The following MUC22 variants were observed in gnomAD, a reference collection of about 807,000 sequenced individuals.
The protein encoded by MUC22 is mucin-22.
MUC22 carries 24 observed loss-of-function variants against 40.3 expected under a neutral mutation model. The observed-to-expected ratio is 0.60, with a 90% confidence interval of 0.43 to 0.84. The LOEUF is 0.84. Ranked by LOEUF, MUC22 falls within the 40% of genes least tolerant of loss-of-function variation. The pLI, the probability that MUC22 is intolerant of heterozygous loss-of-function variation, is 0.00. For missense variants in MUC22, 1,926 were observed against 2,130.7 expected, an observed-to-expected ratio of 0.90 and a Z score of 1.89; for synonymous variants, 765 against 844.5, an observed-to-expected ratio of 0.91 and a Z score of 1.63.
rs777243640 is a variant in MUC22, at chr6:31,034,896, A to G, written c.5280A>G (p.Gly1760=). The G allele has an allele frequency of 9.8e-6, 15 of 1,535,446 alleles. 1 individual carries two copies. In the South Asian group the frequency reaches 1.4e-4, roughly 15 times the overall value. The change falls in exon 4 of 4, where the codon GGA becomes GGG. Residue 1760 remains glycine, a synonymous_variant. Transcript: ENST00000561890. Reference sequence around the variant, plus strand: ...GCCACATCCATGGAGATGGCTACGGAGTGAATCATGGCGGGCATTATGGAC... The same window carrying G: ...GCCACATCCATGGAGATGGCTACGGGGTGAATCATGGCGGGCATTATGGAC...
rs532002752 is a variant in MUC22 at position 31,027,531 on chromosome 6, T to G, written c.2100T>G (p.Thr700=). 1.5e-4 allele frequency: 227 copies of G among 1,527,068 alleles called. 1 individual carries two copies. Among genetic ancestry groups the G allele is most frequent in the Non-Finnish European group, 1.8e-4 (208 of 1,143,394 alleles). 94.6% of individuals were successfully genotyped at this position (1,527,068 alleles called of 1,614,324 possible). Residue 700 remains threonine (T), a synonymous_variant, in exon 2 of 4, where the codon ACT becomes ACG. Coordinates refer to ENST00000561890, the Ensembl canonical transcript of MUC22. ...GCTCTGAGATCACAATAGCCTCTAC[T>G]TCAGACTCTGAGACCACCACAGCTT...
At position 31,032,572 on chromosome 6, in the gene MUC22, T is replaced by G; in HGVS notation, c.5046T>G (p.Ser1682Arg). ...CTGTTGGATTGTCAGTAGGACTGAG[T>G]TTTTGTCTGGTGAGTACCCAGGGTG... Residue 1682 changes from serine to arginine, a missense_variant, in exon 3 of 4, where the codon AGT becomes AGG. By Grantham distance (110) the Ser-to-Arg change is moderately radical. Transcript: ENST00000561890. This position sits in a 1 kb window ranked among gnomAD's most constrained non-coding sequence, Gnocchi z 4.1. The G allele has an allele frequency of 6.5e-7, 1 of 1,533,630 alleles. No homozygotes were observed. Among genetic ancestry groups the G allele is most frequent in the Non-Finnish European group, 8.7e-7 (1 of 1,145,792 alleles).
chr6:31,026,679 C>T (rs1261973490), exon 2 of MUC22: 3 of 1,506,034 alleles, frequency 2.0e-6, no homozygotes, highest in Non-Finnish European at 2.7e-6. Context: ...ATTCTGAGAC[C>T]ACTGCAGCCT....
chr6:31,027,097 A>G (rs1765453224), exon 2 of MUC22: 2 of 1,495,166 alleles, frequency 1.3e-6, no homozygotes, highest in Non-Finnish European at 1.8e-6. Context: ...CTCTGAGACC[A>G]CTATGGCCTC....
chr6:31,026,319 G>C, exon 2 of MUC22: 2 of 1,509,208 alleles, frequency 1.3e-6, no homozygotes, highest in Non-Finnish European at 1.8e-6. Context: ...CAGGTTCTGA[G>C]ACCACCACCC....
intron 1 of MUC22, among the ~76,000 whole-genome samples, chr6:31,017,844 C>A (rs1432056798): frequency 6.6e-6 from 1 of 152,232 alleles, no homozygotes; most frequent in Non-Finnish European, 1.5e-5. Context: ...TGGCAATCCG[C>A]TTGGGTACTC....
intron 1 of MUC22, among the ~76,000 whole-genome samples, chr6:31,022,425 G>A (rs532413831): frequency 2.6e-4 from 40 of 151,930 alleles, no homozygotes; most frequent in Non-Finnish European, 5.6e-4. Flanking sequence ...CCAAAATGCT[G>A]GGATTACAGG....
intron 2 of MUC22, among the ~76,000 whole-genome samples, chr6:31,030,733 T>C (rs545768117): frequency 3.3e-5 from 5 of 152,192 alleles, no homozygotes; most frequent in African/African-American, 1.2e-4. Context: ...CGGTGCCAAG[T>C]AGATTATCTC....
intron 1 of MUC22, among the ~76,000 whole-genome samples, chr6:31,017,680 A>G (rs1054616633): frequency 6.6e-6 from 1 of 152,224 alleles, no homozygotes; most frequent in Non-Finnish European, 1.5e-5. Context: ...TTTTGTGTCT[A>G]GCTCAGGGAT....
At chr6:31,019,592 G>A (rs4713414) in intron 1 of MUC22, among the ~76,000 whole-genome samples, 22,096 of 152,178 alleles carry the variant, frequency 0.15, 1,761 homozygotes, top group African/African-American at 0.19. Flanking sequence ...GGTGGCTCAC[G>A]CCTGTAATCC....
At chr6:31,031,798 A>G (rs1396300547) in intron 2 of MUC22, among the ~76,000 whole-genome samples, 2 of 151,896 alleles carry the variant, frequency 1.3e-5, no homozygotes, top group Non-Finnish European at 2.9e-5. Context: ...CTTCACTTAG[A>G]AGAATAGTCT....
chr6:31,020,554 G>A (rs1057456725), intron 1 of MUC22, among the ~76,000 whole-genome samples: 7 of 151,196 alleles, frequency 4.6e-5, no homozygotes, highest in Non-Finnish European at 5.9e-5. Context: ...AGGTGACAGC[G>A]TGCTGGCAGT....
intron 1 of MUC22, among the ~76,000 whole-genome samples, chr6:31,017,828 C>T (rs9348849): frequency 0.11 from 17,175 of 152,278 alleles, 1,257 homozygotes; most frequent in East Asian, 0.33. Flanking sequence ...TGCCCTGAGC[C>T]AGCAGTGGCA....
chr6:31,006,733 A>G (rs1763545935), upstream of MUC22, among the ~76,000 whole-genome samples: 1 of 152,226 alleles, frequency 6.6e-6, no homozygotes, highest in Admixed American at 6.5e-5. Flanking sequence ...TTAATATGAT[A>G]TATGGAGAGA....
intron 1 of MUC22, among the ~76,000 whole-genome samples, chr6:31,019,049 T>A (rs990154169): frequency 6.6e-6 from 1 of 152,200 alleles, no homozygotes; most frequent in Non-Finnish European, 1.5e-5. Flanking sequence ...TTGATCTGAT[T>A]TCTCCTCTAA....
chr6:31,018,356 A>G (rs1476463236), intron 1 of MUC22, among the ~76,000 whole-genome samples: 1 of 152,152 alleles, frequency 6.6e-6, no homozygotes, highest in African/African-American at 2.4e-5. Flanking sequence ...GCCACACCCA[A>G]ATCTTTAGAG....
At position 31,032,113 on chromosome 6, in the gene MUC22, C is replaced by G; in HGVS notation, c.4670-83C>G. On this transcript the variant is annotated intron_variant, in intron 2 of 3. Transcript: ENST00000561890. The surrounding 1 kb of genome is among the most constrained non-coding windows in gnomAD (Gnocchi z 4.1). ...ACCTCCACCATAGGTTTGTTAGATT[C>G]ACCCTCCTCTGGTCTAAGCACCCCC... 7.1e-7 allele frequency: 1 copy of G among 1,414,614 alleles called. No homozygotes were observed. Among genetic ancestry groups the G allele is most frequent in the Non-Finnish European group, 9.3e-7 (1 of 1,070,590 alleles). 87.6% of individuals were successfully genotyped at this position (1,414,614 alleles called of 1,614,324 possible).
At chr6:31,022,619 C>A (rs116867285) in intron 1 of MUC22, among the ~76,000 whole-genome samples, 1 of 151,530 alleles carries the variant, frequency 6.6e-6, no homozygotes, top group Non-Finnish European at 1.5e-5. Flanking sequence ...AATTATGAGG[C>A]TTATATGTAG....
chr6:31,006,067 A>C (rs896424700), upstream of MUC22: 4 of 309,272 alleles, frequency 1.3e-5, no homozygotes, highest in Non-Finnish European at 2.5e-5. Context: ...AGATTGCACC[A>C]CTGCACTCCA....
Sources: gnomAD v4.1 joint callset for allele counts (sites outside exome capture counted in the v4.1 genomes callset) on GRCh38, gnomAD v4.1.1 for gene constraint, Gnocchi (gnomAD v3.1) non-coding constraint, MANE v1.5 for transcripts, NCBI Gene and HGNC (gene_info 2026-07-23, HGNC 2026-07-21) for gene names.